MED9: variants seen among roughly 807,000 people sequenced by gnomAD.
MED9 encodes mediator complex subunit 9.
A neutral mutation model predicts 13.2 loss-of-function variants in MED9; 8 were observed. The observed-to-expected ratio is 0.61, with a 90% confidence interval of 0.36 to 1.10. The LOEUF (loss-of-function observed/expected upper bound fraction) is 1.10, where lower values mean the gene tolerates loss of function less well. MED9 is among the 50% of genes least tolerant of loss of function. The pLI, the probability that MED9 is intolerant of heterozygous loss-of-function variation, is 0.02. For missense variants in MED9, 180 were observed against 193.4 expected (o/e 0.93, Z 0.41); for synonymous variants, 87 against 82.8 (o/e 1.05, Z -0.28).
At chr17:17,478,805 C>G (rs984419493) in intron 1 of MED9, among the ~76,000 whole-genome samples, 3 of 150,918 alleles carry the variant, frequency 2.0e-5, no homozygotes, top group Admixed American at 6.6e-5. Context: ...TGCAGTGAGC[C>G]GAGATCATGC....
At chr17:17,489,453 A>G (rs1253652140) in intron 1 of MED9, among the ~76,000 whole-genome samples, 1 of 152,110 alleles carries the variant, frequency 6.6e-6, no homozygotes, top group Admixed American at 6.5e-5. Flanking sequence ...TGTTTGTTTT[A>G]CCATGTCCTT....
In MED9 at chr17:17,492,905, G is replaced by C. The variant is rs1325066207; in HGVS notation, c.*1410G>C. Reference sequence around the variant, plus strand: ...GATCAAATTTCAGTGGCTTTGGACAGAAAAGAAGGCTCTGGATTTAAGCGG... The same window carrying C: ...GATCAAATTTCAGTGGCTTTGGACACAAAAGAAGGCTCTGGATTTAAGCGG... On this transcript the variant is annotated 3_prime_UTR_variant, in exon 2 of 2. Transcript: ENST00000268711. 2.0e-5 allele frequency: 3 copies of C among 152,300 alleles called. No homozygotes were observed. The highest frequency in any genetic ancestry group is 4.8e-5 in the African/African-American group (2 of 41,468). The allele number at this position is 152,300 out of a possible 1,614,324, so 9.4% of individuals were successfully genotyped here.
chr17:17,479,670 C>CA lies in MED9; in HGVS notation c.224+2413dup, dbSNP rs571838896. 3.2e-4 allele frequency among the ~76,000 whole-genome samples: 48 copies of CA among 151,822 alleles called. 1 individual carries two copies. In the South Asian group the frequency reaches 8.1e-3, roughly 26 times the overall value. On this transcript the variant is annotated intron_variant, in intron 1 of 1. Transcript: ENST00000268711. ...CAAAACCCCGTCCCTACAAAAAATA[C>CA]AAAAAAAATTAGCCAGGCATGGTGG...
chr17:17,484,191 G>A (rs184256584), intron 1 of MED9, among the ~76,000 whole-genome samples: 34 of 152,334 alleles, frequency 2.2e-4, no homozygotes, highest in African/African-American at 7.5e-4. Flanking sequence ...AGTTGTTGCT[G>A]CCTTGCGTGA....
chr17:17,491,211 G>C, intron 1 of MED9, 68 bp from the exon 2 acceptor site: 1 of 1,400,624 alleles, frequency 7.1e-7, no homozygotes, highest in Admixed American at 1.7e-5. Context: ...CAGCTCTAGG[G>C]GGTGCAGGGC....
intron 1 of MED9, among the ~76,000 whole-genome samples, chr17:17,484,579 A>C (rs1597850771): frequency 6.6e-6 from 1 of 152,236 alleles, no homozygotes; most frequent in Non-Finnish European, 1.5e-5. Flanking sequence ...CTTCCCGGGG[A>C]TAGTCCGCAT....
At chr17:17,480,051 C>T (rs1905004495) in intron 1 of MED9, among the ~76,000 whole-genome samples, 1 of 152,142 alleles carries the variant, frequency 6.6e-6, no homozygotes, top group Non-Finnish European at 1.5e-5. Context: ...CCTCCCATCC[C>T]CTCCAAGCGG....
chr17:17,486,518 A>C (rs1010853108), intron 1 of MED9: 2 of 155,124 alleles, frequency 1.3e-5, no homozygotes, highest in African/African-American at 4.8e-5. Flanking sequence ...CGGAGGGTGT[A>C]CTGGGTCCCC....
Position 17,492,600 on chromosome 17 carries a change from T to C in MED9, c.*1105T>C, listed in dbSNP as rs1489284048. ...GATTTCTTCCAGATGGGACGTTTTA[T>C]TTGTGTGCTCTCCCTTGACTGTCAG... On this transcript the variant is annotated 3_prime_UTR_variant, in exon 2 of 2. Coordinates refer to ENST00000268711, the MANE Select transcript of MED9 (RefSeq NM_018019.3). The C allele has an allele frequency of 6.6e-6, 1 of 152,264 alleles. No individual in the cohort carries two copies. Among genetic ancestry groups the C allele is most frequent in the Non-Finnish European group, 1.5e-5 (1 of 68,054 alleles). The allele number at this position is 152,264 out of a possible 1,614,324, so 9.4% of individuals were successfully genotyped here.
chr17:17,477,076 C>T lies in MED9; in HGVS notation c.35C>T (p.Ala12Val), dbSNP rs1254916318. Reference sequence around the variant, plus strand: ...GCTGGGGTGGCAGCCGGGCGACAGGCGGAGGATGTATTGCCGCCAACGTCC... The same window carrying T: ...GCTGGGGTGGCAGCCGGGCGACAGGTGGAGGATGTATTGCCGCCAACGTCC... ...ASAGVAAGRQAEDVLPPTSDQ... is the reference protein window; with the variant it reads ...ASAGVAAGRQVEDVLPPTSDQ... Residue 12 changes from alanine (A) to valine (V), a missense_variant, in exon 1 of 2, where the codon GCG (alanine) becomes GTG (valine). Physicochemically the swap from Ala to Val is moderately conservative, Grantham distance 64 (BLOSUM62 0). Transcript: ENST00000268711. The T allele has an allele frequency of 1.9e-6, 3 of 1,607,004 alleles. No homozygotes were observed. The highest frequency in any genetic ancestry group is 2.5e-6 in the Non-Finnish European group (3 of 1,179,644).
chr17:17,479,653 C>T (rs922528049), intron 1 of MED9, among the ~76,000 whole-genome samples: 6 of 152,042 alleles, frequency 3.9e-5, no homozygotes, highest in Non-Finnish European at 5.9e-5. Flanking sequence ...GGCAAAACCC[C>T]GTCCCTACAA....
At chr17:17,482,401 T>G (rs1431813826) in intron 1 of MED9, among the ~76,000 whole-genome samples, 3 of 152,246 alleles carry the variant, frequency 2.0e-5, no homozygotes. Flanking sequence ...TATTGATCTT[T>G]CATTAAGTTA....
Position 17,485,205 on chromosome 17 carries a change from T to C in MED9, c.225-6074T>C, listed in dbSNP as rs940053826. 4 of 383,936 alleles carry C rather than the reference T, an allele frequency of 1.0e-5. No homozygotes were observed. The East Asian group carries it at 1.5e-4, about 14-fold the overall frequency. 23.8% of individuals were successfully genotyped at this position (383,936 alleles called of 1,614,324 possible). On this transcript the variant is annotated intron_variant, in intron 1 of 1. Transcript: ENST00000268711. ...AAAAACAAAACAAAAAAAAATTGTA[T>C]TTTTAGTAGAGACAGGGTTTCGTCT... is the stretch of plus-strand genomic sequence containing the variant.
chr17:17,480,807 C>T (rs958821348), intron 1 of MED9, among the ~76,000 whole-genome samples: 1 of 152,142 alleles, frequency 6.6e-6, no homozygotes, highest in Non-Finnish European at 1.5e-5. Flanking sequence ...AGGATCCAAC[C>T]TGCAAACCTT....
In MED9 at chr17:17,483,525, A is replaced by T. The variant is rs1189668198; in HGVS notation, c.224+6260A>T. Among the ~76,000 whole-genome samples the T allele has an allele frequency of 1.3e-5, 2 of 152,226 alleles. No homozygotes were observed. Among genetic ancestry groups the T allele is most frequent in the Non-Finnish European group, 2.9e-5 (2 of 68,042 alleles). On this transcript the variant is annotated intron_variant, in intron 1 of 1. Coordinates refer to ENST00000268711, the MANE Select transcript of MED9 (RefSeq NM_018019.3). This position sits in a 1 kb window ranked among gnomAD's most constrained non-coding sequence, Gnocchi z 4.2. ...CCCCAGGGACCCACCTGGTTCTGGG[A>T]GTGCTCTGGCTGGGACAGCCCTGCT... is the stretch of plus-strand genomic sequence containing the variant.
Position 17,491,523 on chromosome 17 carries a change from G to A in MED9, c.*28G>A. 2 of 1,581,328 alleles carry A rather than the reference G, an allele frequency of 1.3e-6. No homozygotes were observed. The highest frequency in any genetic ancestry group is 1.3e-5 in the African/African-American group (1 of 74,272). On this transcript the variant is annotated 3_prime_UTR_variant, in exon 2 of 2. Transcript: ENST00000268711. Reference sequence around the variant, plus strand: ...TGAGGCTGACTTCCTTAGAAAGAGGGGGAAGCCAATGGCCTGTCTCCCCAC... The same window carrying A: ...TGAGGCTGACTTCCTTAGAAAGAGGAGGAAGCCAATGGCCTGTCTCCCCAC...
At chr17:17,478,762 C>G (rs1904973270) in intron 1 of MED9, among the ~76,000 whole-genome samples, 1 of 151,718 alleles carries the variant, frequency 6.6e-6, no homozygotes, top group Non-Finnish European at 1.5e-5. Flanking sequence ...GAGGCTGAGG[C>G]AGGAGAATCA....
In MED9 at chr17:17,477,543, G is replaced by A. The variant is rs1904946218; in HGVS notation, c.224+278G>A. 2.3e-5 allele frequency: 10 copies of A among 429,276 alleles called. No homozygotes were observed. In the South Asian group the frequency reaches 4.2e-4, roughly 18 times the overall value. 26.6% of individuals were successfully genotyped at this position (429,276 alleles called of 1,614,324 possible). On this transcript the variant is annotated intron_variant, in intron 1 of 1. Transcript: ENST00000268711. ...TCCAGCGGCTCAAATGTTCATCCCA[G>A]CGATCTTGAGCAAATTAAATCTCTT...
chr17:17,491,771 AG>A lies in MED9; in HGVS notation c.*281del, dbSNP rs113397055. On this transcript the variant is annotated 3_prime_UTR_variant, in exon 2 of 2. Coordinates refer to ENST00000268711, the MANE Select transcript of MED9 (RefSeq NM_018019.3). ...GTCAGAATGCTCCTGGAGGCTGCAGAGGGGGTGGAGGACTCTCCCCTGCCTC... is the reference window on the plus strand; with the variant it reads ...GTCAGAATGCTCCTGGAGGCTGCAGAGGGGTGGAGGACTCTCCCCTGCCTC... The A allele has an allele frequency of 2.5e-3, 1,098 of 434,180 alleles. 9 individuals carry two copies. The highest frequency in any genetic ancestry group is 0.021 in the African/African-American group (1,023 of 49,858). 26.9% of individuals were successfully genotyped at this position (434,180 alleles called of 1,614,324 possible).
Sources: allele counts gnomAD v4.1 joint callset (sites outside exome capture counted in the v4.1 genomes callset), GRCh38; gene constraint gnomAD v4.1.1; non-coding constraint Gnocchi (gnomAD v3.1); transcripts MANE v1.5; gene names NCBI Gene and HGNC (gene_info 2026-07-23, HGNC 2026-07-21).